RIC1: variants seen among roughly 807,000 people sequenced by gnomAD.
The protein encoded by RIC1 is guanine nucleotide exchange factor subunit RIC1.
Under a neutral mutation model 169.0 loss-of-function variants are expected in RIC1, and 88 were observed. The ratio of observed to expected loss-of-function variants is 0.52; its 90% CI spans 0.44 to 0.62. The LOEUF is 0.62. Among genes scored for constraint, RIC1 ranks in the 20% least tolerant of loss-of-function variants. The pLI is 0.00. For synonymous variants in RIC1, 790 were observed against 601.5 expected (o/e 1.31, Z -4.59); for missense variants, 1,877 against 1,725.5 (o/e 1.09, Z -1.56).
At chr9:5,677,042 C>T (rs773137023) in intron 2 of RIC1, among the ~76,000 whole-genome samples, 2 of 152,138 alleles carry the variant, frequency 1.3e-5, no homozygotes, top group African/African-American at 2.4e-5. Context: ...GGTAAATATC[C>T]ATGAGTGGAA....
intron 1 of RIC1, among the ~76,000 whole-genome samples, chr9:5,651,585 A>C (rs1554658746): frequency 1.4e-5 from 1 of 69,480 alleles, no homozygotes; most frequent in African/African-American, 4.3e-5. Flanking sequence ...TTTTTTATTG[A>C]GACAGTCTCA....
At chr9:5,706,393 G>A (rs1265099389) in intron 3 of RIC1, among the ~76,000 whole-genome samples, 9 of 152,028 alleles carry the variant, frequency 5.9e-5, no homozygotes, top group African/African-American at 1.9e-4. Flanking sequence ...CGGAGGTTGC[G>A]GTGAGCTGAG....
intron 12 of RIC1, among the ~76,000 whole-genome samples, chr9:5,749,359 G>C (rs1372365794): frequency 1.3e-5 from 2 of 152,162 alleles, no homozygotes; most frequent in Non-Finnish European, 2.9e-5. Flanking sequence ...GTATAGGGCA[G>C]TATACAGTGT....
At chr9:5,705,197 T>TTG (rs1380265102) in intron 3 of RIC1, among the ~76,000 whole-genome samples, 149 of 151,162 alleles carry the variant, frequency 9.9e-4, no homozygotes, top group African/African-American at 3.5e-3. Flanking sequence ...TTTCTGTTTT[T>TTG]TTTTTTTTTT....
At chr9:5,629,587 C>T in intron 1 of RIC1, 134 bp downstream of exon 1, 1 of 1,018,842 alleles carries the variant, frequency 9.8e-7, no homozygotes, top group South Asian at 2.0e-5. Context: ...AGTCCGCGTC[C>T]TCGTTCCACC....
intron 3 of RIC1, among the ~76,000 whole-genome samples, chr9:5,707,224 T>C (rs1293983702): frequency 1.4e-4 from 22 of 152,176 alleles, no homozygotes; most frequent in Admixed American, 1.4e-3. Flanking sequence ...TTAGTTATAT[T>C]CCATTTGGTT....
intron 4 of RIC1, among the ~76,000 whole-genome samples, chr9:5,716,024 T>G (rs1368632254): frequency 2.0e-5 from 3 of 152,014 alleles, no homozygotes; most frequent in Admixed American, 1.3e-4. Flanking sequence ...TGTACTTTAT[T>G]GTAGAGACAA....
rs757336642 is a variant in RIC1, at chr9:5,773,017, G to A, written c.3920G>A (p.Gly1307Glu). ...ATTACACAGTCTTCAGAGGTAGATGGAGAGATGTTACAGAACATAAAGACA... is the reference window on the plus strand; with the variant it reads ...ATTACACAGTCTTCAGAGGTAGATGAAGAGATGTTACAGAACATAAAGACA... ...LVITQSSEVDGEMLQNIKTGL... is the reference protein window; with the variant it reads ...LVITQSSEVDEEMLQNIKTGL... The change falls in exon 25 of 26, where the codon GGA (glycine) becomes GAA (glutamate). Residue 1307 changes from glycine (G) to glutamate (E), a missense_variant. Transcript: ENST00000414202. The A allele has an allele frequency of 3.1e-6, 5 of 1,613,704 alleles. No homozygotes were observed. The South Asian group carries it at 5.5e-5, about 18-fold the overall frequency.
chr9:5,717,706 G>T (rs1464012747), intron 4 of RIC1, among the ~76,000 whole-genome samples: 1 of 151,230 alleles, frequency 6.6e-6, no homozygotes, highest in African/African-American at 2.4e-5. Flanking sequence ...TTAGCTGGGC[G>T]TGGTGGCGCA....
At chr9:5,772,850 A>C (rs375660489) in intron 24 of RIC1, 42 bp from the exon 25 acceptor site, 4 of 1,581,234 alleles carry the variant, frequency 2.5e-6, no homozygotes, top group Non-Finnish European at 3.5e-6. Flanking sequence ...CATCTTATAG[A>C]TCTTTCTTAG....
At position 5,746,100 on chromosome 9, in the gene RIC1, C is replaced by G; in HGVS notation, c.1248+17C>G. ...CCTTGTATGGTAAGTATATTTAAAGCTCTGATTTTTTAGTGTCTTTTGTGT... is the reference window on the plus strand; with the variant it reads ...CCTTGTATGGTAAGTATATTTAAAGGTCTGATTTTTTAGTGTCTTTTGTGT... On this transcript the variant is annotated intron_variant, in intron 11 of 25. Coordinates refer to ENST00000414202, the MANE Select transcript of RIC1 (RefSeq NM_020829.4). 2.5e-6 allele frequency: 4 copies of G among 1,584,450 alleles called. No homozygotes were observed. Among genetic ancestry groups the G allele is most frequent in the South Asian group, 1.2e-5 (1 of 86,894 alleles).
intron 1 of RIC1, among the ~76,000 whole-genome samples, chr9:5,637,269 A>G (rs1235362573): frequency 6.6e-6 from 1 of 151,790 alleles, no homozygotes; most frequent in African/African-American, 2.4e-5. Flanking sequence ...GGATTTCACC[A>G]TGTTGCCCAC....
At chr9:5,729,691 G>A (rs941320248) in intron 6 of RIC1, among the ~76,000 whole-genome samples, 1 of 151,692 alleles carries the variant, frequency 6.6e-6, no homozygotes, top group Non-Finnish European at 1.5e-5. Context: ...TTTTTTAATT[G>A]TTGTCATTCT....
intron 2 of RIC1, among the ~76,000 whole-genome samples, chr9:5,678,405 T>A (rs947857701): frequency 2.0e-5 from 3 of 151,804 alleles, no homozygotes; most frequent in African/African-American, 7.3e-5. Flanking sequence ...TAGTTCTAGA[T>A]CCCTGAGGAA....
chr9:5,668,258 AC>A (rs1819898160), intron 2 of RIC1, among the ~76,000 whole-genome samples: 1 of 152,196 alleles, frequency 6.6e-6, no homozygotes, highest in South Asian at 2.1e-4. Flanking sequence ...TATGGGAACT[AC>A]AATTCAAGAT....
intron 4 of RIC1, among the ~76,000 whole-genome samples, chr9:5,715,633 T>G (rs1475086307): frequency 1.3e-5 from 2 of 152,226 alleles, no homozygotes; most frequent in African/African-American, 4.8e-5. Context: ...GCTAGGATAT[T>G]GGTTATGCTG....
At chr9:5,730,343 A>G (rs1256873452) in intron 6 of RIC1, among the ~76,000 whole-genome samples, 1 of 152,210 alleles carries the variant, frequency 6.6e-6, no homozygotes, top group Non-Finnish European at 1.5e-5. Context: ...GAGGCCAGCA[A>G]TCCAGTGAGC....
chr9:5,709,238 T>A (rs1387773147), intron 3 of RIC1, among the ~76,000 whole-genome samples: 1 of 152,218 alleles, frequency 6.6e-6, no homozygotes, highest in Non-Finnish European at 1.5e-5. Context: ...TTCTGCCGTC[T>A]GTCCAGATAC....
At chr9:5,642,246 C>T (rs1019342789) in intron 1 of RIC1, among the ~76,000 whole-genome samples, 5 of 144,912 alleles carry the variant, frequency 3.5e-5, no homozygotes, top group Non-Finnish European at 7.4e-5. Flanking sequence ...AATGGAGTCT[C>T]TCTCTGTGCT....
Sources: gnomAD v4.1 joint callset for allele counts (sites outside exome capture counted in the v4.1 genomes callset) on GRCh38, gnomAD v4.1.1 for gene constraint, MANE v1.5 for transcripts, NCBI Gene and HGNC (gene_info 2026-07-23, HGNC 2026-07-21) for gene names.